The following WDPCP variants were observed in gnomAD, a reference collection of about 807,000 sequenced individuals.
WDPCP encodes WD repeat-containing and planar cell polarity effector protein fritz homolog.
A neutral mutation model predicts 93.1 loss-of-function variants in WDPCP; 71 were observed. The ratio of observed to expected loss-of-function variants is 0.76; its 90% CI spans 0.63 to 0.93. The LOEUF is 0.93. WDPCP is among the 40% of genes least tolerant of loss of function. WDPCP has a pLI of 0.00. For synonymous variants in WDPCP, 315 were observed against 315.0 expected (o/e 1.00, Z 0.00); for missense variants, 844 against 887.4 (o/e 0.95, Z 0.62).
At chr2:63,156,598 C>T (rs1245205047) in intron 15 of WDPCP, among the ~76,000 whole-genome samples, 2 of 151,684 alleles carry the variant, frequency 1.3e-5, no homozygotes, top group Non-Finnish European at 2.9e-5. Context: ...ATTAGCCAGG[C>T]GTGGTGGCAT....
intron 10 of WDPCP, among the ~76,000 whole-genome samples, chr2:63,394,635 ACCAAATAC>A (rs546903591): frequency 6.6e-6 from 1 of 152,130 alleles, no homozygotes; most frequent in Non-Finnish European, 1.5e-5. Flanking sequence ...TTGGAATCAA[ACCAAATAC>A]CCATCAACAG....
At chr2:63,484,101 T>C (rs1167904973) in intron 6 of WDPCP, among the ~76,000 whole-genome samples, 1 of 152,022 alleles carries the variant, frequency 6.6e-6, no homozygotes, top group Non-Finnish European at 1.5e-5. Context: ...CAGTCACATA[T>C]GACTAGTGGC....
chr2:63,505,187 C>T (rs1701792444), intron 1 of WDPCP, among the ~76,000 whole-genome samples: 1 of 152,016 alleles, frequency 6.6e-6, no homozygotes, highest in South Asian at 2.1e-4. Flanking sequence ...TTCCTTCATA[C>T]TCTTTCTTCC....
At chr2:63,220,700 C>CT (rs1465979153) in intron 14 of WDPCP, among the ~76,000 whole-genome samples, 2 of 151,920 alleles carry the variant, frequency 1.3e-5, no homozygotes, top group East Asian at 3.9e-4. Flanking sequence ...GCATATTTTT[C>CT]TTTTTTTAAA....
At chr2:63,238,022 T>C (rs1217611256) in intron 14 of WDPCP, among the ~76,000 whole-genome samples, 1 of 145,728 alleles carries the variant, frequency 6.9e-6, no homozygotes, top group African/African-American at 2.5e-5. Context: ...AACAACAAAA[T>C]GCAGCTACAG....
At chr2:63,528,636 A>G (rs1027529643) in intron 1 of WDPCP, among the ~76,000 whole-genome samples, 1 of 152,192 alleles carries the variant, frequency 6.6e-6, no homozygotes, top group Non-Finnish European at 1.5e-5. Flanking sequence ...TATAGTTTGA[A>G]GTCAGGTAGC....
chr2:63,292,132 CAAAAAAA>C (rs58370764), intron 13 of WDPCP, among the ~76,000 whole-genome samples: 2 of 83,388 alleles, frequency 2.4e-5, no homozygotes, highest in Non-Finnish European at 4.7e-5. Flanking sequence ...GACTCCGGCT[CAAAAAAA>C]AAAAAAAAAA....
chr2:63,602,238 A>T (rs1709432386), intron 3 of WDPCP, among the ~76,000 whole-genome samples: 1 of 152,032 alleles, frequency 6.6e-6, no homozygotes, highest in South Asian at 2.1e-4. Context: ...AAGACAGTTT[A>T]CTTCTTACTT....
At position 63,368,319 on chromosome 2, in the gene WDPCP, T is replaced by A. The variant is rs1691093920; in HGVS notation, c.1748+10067A>T. On this transcript the variant is annotated intron_variant, in intron 12 of 17. Coordinates refer to ENST00000272321, the MANE Select transcript of WDPCP (RefSeq NM_015910.7). ...TTTAATTTATTTATTTATTTATTTA[T>A]TTATTTATTTATTTATTTATTTTTG... Among the ~76,000 whole-genome samples the A allele has an allele frequency of 2.2e-5, 2 of 91,456 alleles. 1 individual carries two copies. The highest frequency in any genetic ancestry group is 4.5e-5 in the Non-Finnish European group (2 of 44,000). The allele number at this position is 91,456 out of a possible 152,430, so 60.0% of individuals were successfully genotyped here.
At chr2:63,643,340 A>G (rs1710003947) in intron 3 of WDPCP, 3 of 387,230 alleles carry the variant, frequency 7.7e-6, no homozygotes, top group Non-Finnish European at 9.8e-6. Context: ...CCCTTTCCTC[A>G]GGGAGGAGAA....
At chr2:63,220,042 A>G (rs1043492479) in intron 14 of WDPCP, among the ~76,000 whole-genome samples, 2 of 152,138 alleles carry the variant, frequency 1.3e-5, no homozygotes, top group African/African-American at 2.4e-5. Flanking sequence ...GTAAAAACAC[A>G]ACAAACAACA....
upstream of WDPCP, chr2:63,589,201 T>A: frequency 2.0e-5 from 32 of 1,591,436 alleles, no homozygotes; most frequent in Non-Finnish European, 2.7e-5. Flanking sequence ...ATTGCCGCAG[T>A]GACCCAGTAA....
rs545620334 is a variant in WDPCP at position 63,491,292 on chromosome 2, T to C, written c.160+1564A>G. Among the ~76,000 whole-genome samples, 15 of 152,296 alleles carry C rather than the reference T, an allele frequency of 9.8e-5. No individual in the cohort carries two copies. The South Asian group carries it at 1.7e-3, about 17-fold the overall frequency. On this transcript the variant is annotated intron_variant, in intron 2 of 17. Coordinates refer to ENST00000272321, the MANE Select transcript of WDPCP (RefSeq NM_015910.7). ...TTTGTTTTCTTTCCTGTTGAAGATA[T>C]TCCTCAAATATCTAGTGATCCTTAG...
chr2:63,637,737 AATCTCAC>A (rs1265760448), intron 3 of WDPCP, among the ~76,000 whole-genome samples: 2 of 152,166 alleles, frequency 1.3e-5, no homozygotes, highest in African/African-American at 4.8e-5. Context: ...AATGAGAGAT[AATCTCAC>A]ATCTGTTAGG....
intron 12 of WDPCP, among the ~76,000 whole-genome samples, chr2:63,356,366 T>C (rs1198916874): frequency 6.6e-6 from 1 of 152,154 alleles, no homozygotes; most frequent in Non-Finnish European, 1.5e-5. Flanking sequence ...ATTAGACAGA[T>C]CATCAAGGCA....
At chr2:63,133,504 G>A (rs1025132) in intron 17 of WDPCP, among the ~76,000 whole-genome samples, 63,166 of 151,976 alleles carry the variant, frequency 0.42, 13,479 homozygotes, top group East Asian at 0.55. Flanking sequence ...TAATTCCCAC[G>A]TGTCAAGGGT....
At chr2:63,153,640 A>T in intron 15 of WDPCP, 66 bp from the exon 16 acceptor site, 1 of 1,107,330 alleles carries the variant, frequency 9.0e-7, no homozygotes. Context: ...GTTAGGTATA[A>T]GTTATAGATT....
intron 13 of WDPCP, among the ~76,000 whole-genome samples, chr2:63,309,849 A>G (rs1292297586): frequency 1.3e-5 from 2 of 152,138 alleles, no homozygotes; most frequent in African/African-American, 4.8e-5. Flanking sequence ...CAGACAACTA[A>G]TGGATTAAAA....
chr2:63,481,187 T>G (rs1038509738), intron 6 of WDPCP, among the ~76,000 whole-genome samples: 5 of 151,820 alleles, frequency 3.3e-5, no homozygotes, highest in Non-Finnish European at 5.9e-5. Context: ...AACCACAATG[T>G]GATATACCAC....
Sources: allele counts gnomAD v4.1 joint callset (sites outside exome capture counted in the v4.1 genomes callset), GRCh38; gene constraint gnomAD v4.1.1; transcripts MANE v1.5; gene names NCBI Gene and HGNC (gene_info 2026-07-23, HGNC 2026-07-21).